EGFR: variants seen among roughly 807,000 people sequenced by gnomAD.
EGFR encodes epidermal growth factor receptor, also known as avian erythroblastic leukemia viral (v-erb-b) oncogene homolog.
Under a neutral mutation model 143.0 loss-of-function variants are expected in EGFR, and 58 were observed. The ratio of observed to expected loss-of-function variants is 0.41; its 90% CI spans 0.33 to 0.50. The LOEUF (loss-of-function observed/expected upper bound fraction) is 0.50, where lower values mean the gene tolerates loss of function less well. Among genes scored for constraint, EGFR ranks in the 20% least tolerant of loss-of-function variants. The pLI, the probability that EGFR is intolerant of heterozygous loss-of-function variation, is 0.39. For missense variants in EGFR, 1,307 were observed against 1,579.0 expected (o/e 0.83, Z 2.92); for synonymous variants, 613 against 594.4 (o/e 1.03, Z -0.45).
intron 19 of EGFR, 67 bp downstream of exon 19, chr7:55,174,887 T>C: frequency 3.2e-6 from 4 of 1,264,182 alleles, no homozygotes; most frequent in Admixed American, 3.4e-5. Context: ...TTCTCATGTC[T>C]GGCAGCTGCT....
chr7:55,205,083 G>T (rs1788056267), intron 27 of EGFR, among the ~76,000 whole-genome samples, 173 bp from the exon 28 acceptor site: 1 of 152,116 alleles, frequency 6.6e-6, no homozygotes, highest in South Asian at 2.1e-4. Flanking sequence ...CTTTGAGAAG[G>T]ACAGGAAAGA....
intron 1 of EGFR, among the ~76,000 whole-genome samples, chr7:55,030,012 C>T (rs1787159137): frequency 6.6e-6 from 1 of 152,212 alleles, no homozygotes; most frequent in African/African-American, 2.4e-5. Flanking sequence ...ACATTCTTCT[C>T]TCTCAGCCTC....
At chr7:55,202,717 T>C (rs1325672748) in intron 27 of EGFR, 92 bp downstream of exon 27, 1 of 1,117,518 alleles carries the variant, frequency 8.9e-7, no homozygotes, top group Non-Finnish European at 1.3e-6. Flanking sequence ...AGGTGCTCCC[T>C]CCAGCATCTC....
chr7:55,149,501 T>C (rs1354104303), intron 4 of EGFR, among the ~76,000 whole-genome samples: 3 of 152,080 alleles, frequency 2.0e-5, no homozygotes, highest in Non-Finnish European at 4.4e-5. Flanking sequence ...AGTATTTGGG[T>C]TCCTTTTGCT....
At chr7:55,192,720 G>C (rs960959700) in intron 21 of EGFR, 46 bp from the exon 22 acceptor site, 10 of 1,565,756 alleles carry the variant, frequency 6.4e-6, no homozygotes, top group Non-Finnish European at 8.8e-6. Context: ...TTCCAACAGA[G>C]GGAAACTAAT....
intron 1 of EGFR, among the ~76,000 whole-genome samples, chr7:55,055,070 C>G (rs534556774): frequency 2.6e-5 from 4 of 152,168 alleles, no homozygotes; most frequent in Admixed American, 2.0e-4. Flanking sequence ...GGGGGTTTCC[C>G]TGACTTCATC....
At chr7:55,103,552 C>T (rs897175793) in intron 1 of EGFR, among the ~76,000 whole-genome samples, 2 of 152,134 alleles carry the variant, frequency 1.3e-5, no homozygotes, top group Non-Finnish European at 2.9e-5. Flanking sequence ...AAAGCACAAG[C>T]TAAGGAAGAA....
chr7:55,146,932 G>A (rs973732621), intron 4 of EGFR, among the ~76,000 whole-genome samples, 192 bp downstream of exon 4: 3 of 152,050 alleles, frequency 2.0e-5, no homozygotes, highest in African/African-American at 7.2e-5. Context: ...TGTGGCGGGT[G>A]GCAGCCCAGC....
At chr7:55,022,045 T>C (rs1786597955) in intron 1 of EGFR, among the ~76,000 whole-genome samples, 2 of 152,154 alleles carry the variant, frequency 1.3e-5, no homozygotes, top group Non-Finnish European at 2.9e-5. Flanking sequence ...GGGAGCCGGC[T>C]CATGACGATG....
chr7:55,199,381 C>T (rs569090432), intron 23 of EGFR, among the ~76,000 whole-genome samples: 9 of 152,336 alleles, frequency 5.9e-5, no homozygotes, highest in South Asian at 4.1e-4. Flanking sequence ...ACCAGATTCA[C>T]GAGTGCAGTG....
intron 1 of EGFR, among the ~76,000 whole-genome samples, chr7:55,127,246 G>A (rs1356370686): frequency 6.6e-6 from 1 of 152,160 alleles, no homozygotes; most frequent in African/African-American, 2.4e-5. Flanking sequence ...ACAAAGATCT[G>A]GGTCTCATTA....
At chr7:55,085,498 G>T (rs970603059) in intron 1 of EGFR, among the ~76,000 whole-genome samples, 12 of 152,186 alleles carry the variant, frequency 7.9e-5, no homozygotes, top group African/African-American at 2.7e-4. Context: ...TCCATGAGAT[G>T]AGGAGTGTTC....
At chr7:55,125,247 AAGG>A (rs1314625644) in intron 1 of EGFR, among the ~76,000 whole-genome samples, 2 of 152,210 alleles carry the variant, frequency 1.3e-5, no homozygotes, top group African/African-American at 4.8e-5. Context: ...AAGTTGGGAG[AAGG>A]AGATTATTTA....
At chr7:55,079,465 C>T (rs1036452479) in intron 1 of EGFR, among the ~76,000 whole-genome samples, 1 of 152,178 alleles carries the variant, frequency 6.6e-6, no homozygotes, top group Non-Finnish European at 1.5e-5. Context: ...CTCCCAAATA[C>T]GTGTTCTTTG....
At chr7:55,176,945 A>C (rs1359057329) in intron 19 of EGFR, among the ~76,000 whole-genome samples, 1 of 148,530 alleles carries the variant, frequency 6.7e-6, no homozygotes, top group African/African-American at 2.5e-5. Context: ...ATCTCTCTCT[A>C]AATATATATA....
chr7:55,050,966 G>A (rs761184533), intron 1 of EGFR, among the ~76,000 whole-genome samples: 22 of 152,150 alleles, frequency 1.4e-4, no homozygotes, highest in Non-Finnish European at 2.6e-4. Flanking sequence ...GCTGTCCTGC[G>A]GTGGGCTGTG....
intron 1 of EGFR, among the ~76,000 whole-genome samples, chr7:55,098,986 T>C (rs1476509902): frequency 1.3e-5 from 2 of 152,184 alleles, no homozygotes; most frequent in Non-Finnish European, 2.9e-5. Context: ...CCCTGGAAAG[T>C]GATGAGAACC....
At chr7:55,154,744 T>C (rs1458140916) in intron 7 of EGFR, among the ~76,000 whole-genome samples, 1 of 152,156 alleles carries the variant, frequency 6.6e-6, no homozygotes, top group Admixed American at 6.5e-5. Context: ...AATTGTGACA[T>C]AAAATAATTC....
At chr7:55,080,748 T>C (rs916310764) in intron 1 of EGFR, among the ~76,000 whole-genome samples, 1 of 152,378 alleles carries the variant, frequency 6.6e-6, no homozygotes, top group African/African-American at 2.4e-5. Flanking sequence ...ATTAGCTTGA[T>C]GTAGCCATTC....
Sources: gnomAD v4.1 joint callset for allele counts (sites outside exome capture counted in the v4.1 genomes callset) on GRCh38, gnomAD v4.1.1 for gene constraint, MANE v1.5 for transcripts, NCBI Gene and HGNC (gene_info 2026-07-23, HGNC 2026-07-21) for gene names.